Variants in CARNS1 observed in about 807,000 individuals in gnomAD.
The protein encoded by CARNS1 is carnosine synthase 1.
In CARNS1, 61 loss-of-function variants were observed where a neutral mutation model predicts 74.0. The observed-to-expected ratio is 0.82, with a 90% CI of 0.67 to 1.02. CARNS1 has a LOEUF of 1.02. CARNS1 is among the 50% of genes least tolerant of loss of function. The probability of loss-of-function intolerance (pLI) is 0.00; values close to 1 mark genes in which losing one functional copy is unlikely to be tolerated. For synonymous variants in CARNS1, 568 were observed against 605.5 expected, an observed-to-expected ratio of 0.94 and a Z score of 0.91; for missense variants, 1,278 against 1,308.4, an observed-to-expected ratio of 0.98 and a Z score of 0.36.
chr11:67,416,131 T>C (rs1195344924), intron 1 of CARNS1, 45 bp from the exon 2 acceptor site: 41 of 1,220,250 alleles, frequency 3.4e-5, no homozygotes. Context: ...GGGACTTGGC[T>C]GCCCTGACTC....
intron 3 of CARNS1, 22 bp from the exon 4 acceptor site, chr11:67,418,408 TG>T (rs747732983): frequency 7.0e-7 from 1 of 1,432,792 alleles, no homozygotes; most frequent in Non-Finnish European, 9.1e-7. Context: ...CCTGGTGAGC[TG>T]GGCCATGTTC....
Position 67,417,418 on chromosome 11 carries a change from T to C in CARNS1, c.15T>C (p.Asp5=), listed in dbSNP as rs929094321. 2 of 1,379,610 alleles carry C rather than the reference T, an allele frequency of 1.4e-6. No homozygotes were observed. The highest frequency in any genetic ancestry group is 1.9e-6 in the Non-Finnish European group (2 of 1,067,308). 85.5% of individuals were successfully genotyped at this position (1,379,610 alleles called of 1,614,324 possible). Residue 5 remains aspartate, a synonymous_variant, in exon 3 of 10, where the codon GAT becomes GAC. Coordinates refer to ENST00000687366, the MANE Select transcript of CARNS1 (RefSeq NM_001166222.2). ...TTCTGCCCTCTCAGCTCTCCCTGGA[T>C]CCATCGGGTCCCGAGTGGGATTGCC... The part of the protein sequence containing the change: MLSL[D]PSGPEWDCPL...
At chr11:67,416,385 T>C (rs1302961438) in intron 2 of CARNS1, 183 bp downstream of exon 2, 4 of 1,430,908 alleles carry the variant, frequency 2.8e-6, no homozygotes, top group Middle Eastern at 4.7e-4. Flanking sequence ...GCACTCTTAG[T>C]GCCCTGTGAC....
chr11:67,420,960 C>A lies in CARNS1; in HGVS notation c.1367C>A (p.Ala456Glu). 2 of 1,421,390 alleles carry A rather than the reference C, an allele frequency of 1.4e-6. No homozygotes were observed. The highest frequency in any genetic ancestry group is 1.4e-5 in the South Asian group (1 of 72,584). The allele number at this position is 1,421,390 out of a possible 1,614,324, so 88.0% of individuals were successfully genotyped here. The part of the protein sequence containing the change: ...DFLGVDFALT[A>E]AGGVLTPVAL... ...GCAGGCGTGGATTTCGCGCTGACAG[C>A]GGCCGGCGGCGTGCTGACCCCAGTG... The change falls in exon 9 of 10, where the codon GCG (alanine) becomes GAG (glutamate). Residue 456 changes from alanine (A) to glutamate (E), a missense_variant. Coordinates refer to ENST00000687366, the MANE Select transcript of CARNS1 (RefSeq NM_001166222.2).
Position 67,423,441 on chromosome 11 carries a change from G to A in CARNS1, c.1693G>A (p.Asp565Asn). The change falls in exon 10 of 10, where the codon GAC becomes AAC. Residue 565 changes from aspartate (D) to asparagine (N), a missense_variant. Asp to Asn is a conservative substitution (Grantham distance 23, BLOSUM62 1). Transcript: ENST00000687366. The surrounding 1 kb of genome is among the most constrained non-coding windows in gnomAD (Gnocchi z 5.1). ...SQLVQTFIHF[D>N]MTEHRRDEEN... ...GTTGGTACAGACCTTCATCCACTTTGACATGACAGAGCACCGGAGGGATGA... is the reference window on the plus strand; with the variant it reads ...GTTGGTACAGACCTTCATCCACTTTAACATGACAGAGCACCGGAGGGATGA... 6.2e-7 allele frequency: 1 copy of A among 1,614,004 alleles called. No homozygotes were observed. The highest frequency in any genetic ancestry group is 8.5e-7 in the Non-Finnish European group (1 of 1,179,858).
intron 1 of CARNS1, among the ~76,000 whole-genome samples, 156 bp downstream of exon 1, chr11:67,415,919 C>T (rs543473150): frequency 1.3e-5 from 2 of 151,978 alleles, no homozygotes; most frequent in Non-Finnish European, 2.9e-5. Context: ...AACTCCCCCC[C>T]GCGCTGGAGG....
rs373347042 is a variant in CARNS1, at chr11:67,418,443, C to T, written c.287C>T (p.Ala96Val). 35 of 1,457,178 alleles carry T rather than the reference C, an allele frequency of 2.4e-5. No individual in the cohort carries two copies. The highest frequency in any genetic ancestry group is 1.8e-4 in the Middle Eastern group (1 of 5,664). The allele number at this position is 1,457,178 out of a possible 1,614,324, so 90.3% of individuals were successfully genotyped here. Residue 96 changes from alanine to valine, a missense_variant, in exon 4 of 10, where the codon GCG becomes GTG. By Grantham distance (64) the Ala-to-Val change is moderately conservative (BLOSUM62 0). Around this residue, in one of 3 missense-constraint regions of CARNS1, gnomAD observed 10 missense variants for 24.7 expected, o/e 0.41. Transcript: ENST00000687366. ...TCTCTTTCCCGAGGCTGTCCTGGGGCGGAGGTGACCTTGTGCGTTCTGGGC... is the reference window on the plus strand; with the variant it reads ...TCTCTTTCCCGAGGCTGTCCTGGGGTGGAGGTGACCTTGTGCGTTCTGGGC... ...GQVPRTGCPGAEVTLCVLGSP... is the reference protein window; with the variant it reads ...GQVPRTGCPGVEVTLCVLGSP...
intron 9 of CARNS1, among the ~76,000 whole-genome samples, chr11:67,422,171 C>CT (rs35293042): frequency 0.02 from 1,476 of 72,748 alleles, 317 homozygotes; most frequent in African/African-American, 0.048. Context: ...CGCGCCCGGC[C>CT]TTTTTTTTTT....
chr11:67,416,237 A>C (rs1207375109), intron 2 of CARNS1, 35 bp downstream of exon 2: 1 of 1,536,940 alleles, frequency 6.5e-7, no homozygotes, highest in Non-Finnish European at 8.7e-7. Context: ...CACAAGGCCC[A>C]AGTCCCTGGG....
Position 67,417,606 on chromosome 11 carries a change from G to A in CARNS1, c.203G>A (p.Ser68Asn). The A allele has an allele frequency of 7.7e-7, 1 of 1,297,856 alleles. No individual in the cohort carries two copies. The highest frequency in any genetic ancestry group is 2.0e-4 in the Middle Eastern group (1 of 5,018). 80.4% of individuals were successfully genotyped at this position (1,297,856 alleles called of 1,614,324 possible). The change falls in exon 3 of 10, where the codon AGC becomes AAC. Residue 68 changes from serine to asparagine, a missense_variant. Transcript: ENST00000687366. ...EARAWTVYYYSLLQSCLQQAG... is the reference protein window; with the variant it reads ...EARAWTVYYYNLLQSCLQQAG... Reference sequence around the variant, plus strand: ...CGGGCTTGGACTGTCTACTACTACAGCCTCCTGCAGAGCTGTCTGCAGCAA... The same window carrying A: ...CGGGCTTGGACTGTCTACTACTACAACCTCCTGCAGAGCTGTCTGCAGCAA...
chr11:67,421,446 G>A (rs183894944), intron 9 of CARNS1, among the ~76,000 whole-genome samples: 1 of 152,330 alleles, frequency 6.6e-6, no homozygotes, highest in East Asian at 1.9e-4. Context: ...TGGAGTGAGA[G>A]GCCCTGGGGA....
chr11:67,421,435 C>T (rs1314334059), intron 9 of CARNS1, among the ~76,000 whole-genome samples: 1 of 152,178 alleles, frequency 6.6e-6, no homozygotes, highest in African/African-American at 2.4e-5. Context: ...TCCGCTAGTT[C>T]TGGAGTGAGA....
At position 67,420,805 on chromosome 11, in the gene CARNS1, A is replaced by G; in HGVS notation, c.1310A>G (p.Gln437Arg). 8.2e-7 allele frequency: 1 copy of G among 1,226,924 alleles called. No homozygotes were observed. The highest frequency in any genetic ancestry group is 1.0e-6 in the Non-Finnish European group (1 of 986,082). 76.0% of individuals were successfully genotyped at this position (1,226,924 alleles called of 1,614,324 possible). A position where few individuals can be genotyped will look rare whatever the true frequency, so the allele number is the denominator to read the frequency against. ...CTGGAGGCCGGCCTGAGTGCCGAGC[A>G]GCGCGGCGGGCGCCGGGCGCACACG... ...LALEAGLSAE[Q>R]RGGRRAHTDF... The change falls in exon 8 of 10, where the codon CAG (glutamine) becomes CGG (arginine). Residue 437 changes from glutamine to arginine, a missense_variant. Around this residue, in one of 3 missense-constraint regions of CARNS1, gnomAD observed 1,164 missense variants for 1,156.5 expected, o/e 1.01. Transcript: ENST00000687366.
At chr11:67,416,705 G>A in intron 2 of CARNS1, 2 of 986,804 alleles carry the variant, frequency 2.0e-6, no homozygotes, top group Non-Finnish European at 2.4e-6. Flanking sequence ...GGACTGCAAA[G>A]AACAAGAATT....
rs1272818370 is a variant in CARNS1 at position 67,424,046 on chromosome 11, C to T, written c.2298C>T (p.Cys766=). Reference sequence around the variant, plus strand: ...CTGGCTTCACTGAGACGGCGGCCTGCATGCCCACCGGGCTGGCACCAGAGC... The same window carrying T: ...CTGGCTTCACTGAGACGGCGGCCTGTATGCCCACCGGGCTGGCACCAGAGC... The part of the protein sequence containing the change: ...RLPGFTETAA[C]MPTGLAPEQE... The change falls in exon 10 of 10, where the codon TGC becomes TGT. Residue 766 remains cysteine, a synonymous_variant. Transcript: ENST00000687366. The T allele has an allele frequency of 1.2e-6, 2 of 1,612,762 alleles. No individual in the cohort carries two copies. Among genetic ancestry groups the T allele is most frequent in the Non-Finnish European group, 1.7e-6 (2 of 1,179,694 alleles).
Position 67,423,385 on chromosome 11 carries a change from T to G in CARNS1, c.1637T>G (p.Val546Gly). 7.5e-6 allele frequency: 12 copies of G among 1,602,934 alleles called. No homozygotes were observed. Among genetic ancestry groups the G allele is most frequent in the Non-Finnish European group, 1.0e-5 (12 of 1,171,962 alleles). Reference protein sequence around the residue: ...ARDYGLQLHLVESDPNHFASQ... With the variant: ...ARDYGLQLHLGESDPNHFASQ... ...CTGTGGCTTCTGCAGCTGCACCTCG[T>G]GGAGTCAGACCCCAACCACTTTGCA... Residue 546 changes from valine to glycine, a missense_variant, in exon 10 of 10, where the codon GTG becomes GGG. Val to Gly is a moderately radical substitution (Grantham distance 109). This residue lies in a region of CARNS1 where 1,164 missense variants were observed against 1,156.5 expected (regional missense o/e 1.01). Coordinates refer to ENST00000687366, the MANE Select transcript of CARNS1 (RefSeq NM_001166222.2). This position sits in a 1 kb window ranked among gnomAD's most constrained non-coding sequence, Gnocchi z 5.1.
Position 67,423,375 on chromosome 11 carries a change from C to T in CARNS1, c.1627C>T (p.Leu543=), listed in dbSNP as rs1391350721. 1 of 1,596,938 alleles carries T rather than the reference C, an allele frequency of 6.3e-7. No individual in the cohort carries two copies. Among genetic ancestry groups the T allele is most frequent in the Non-Finnish European group, 8.6e-7 (1 of 1,168,820 alleles). ...ATGCCCCACCCTGTGGCTTCTGCAG[C>T]TGCACCTCGTGGAGTCAGACCCCAA... ...WEAARDYGLQ[L]HLVESDPNHF... The change falls in exon 10 of 10, where the codon CTG becomes TTG. Residue 543 remains leucine (L), a splice_region_variant and synonymous_variant. Coordinates refer to ENST00000687366, the MANE Select transcript of CARNS1 (RefSeq NM_001166222.2). This position sits in a 1 kb window ranked among gnomAD's most constrained non-coding sequence, Gnocchi z 5.1.
chr11:67,418,364 G>T, intron 3 of CARNS1, 67 bp from the exon 4 acceptor site: 1 of 1,175,278 alleles, frequency 8.5e-7, no homozygotes, highest in South Asian at 1.7e-5. Flanking sequence ...GTGTGGAGGT[G>T]GTGGAAGGTG....
chr11:67,415,957 A>G, intron 1 of CARNS1, 194 bp downstream of exon 1: 1 of 380,680 alleles, frequency 2.6e-6, no homozygotes, highest in Non-Finnish European at 5.0e-6. Context: ...ACCCCAGGGC[A>G]GGAAGGACCT....
Sources: gnomAD v4.1 joint callset for allele counts (sites outside exome capture counted in the v4.1 genomes callset) on GRCh38, gnomAD v4.1.1 for gene constraint, gnomAD v4.1.1 regional missense constraint, Gnocchi (gnomAD v3.1) non-coding constraint, MANE v1.5 for transcripts, NCBI Gene and HGNC (gene_info 2026-07-23, HGNC 2026-07-21) for gene names.